HMCN1: variants seen among roughly 807,000 people sequenced by gnomAD.
HMCN1 encodes the protein hemicentin 1, also known as hemicentin-1.
A neutral mutation model predicts 625.9 loss-of-function variants in HMCN1; 321 were observed. That is an observed-to-expected ratio of 0.51 (90% CI 0.47 to 0.56). The LOEUF is 0.56. Ranked by LOEUF, HMCN1 falls within the 20% of genes least tolerant of loss-of-function variation. The pLI is 0.00. For synonymous variants in HMCN1, 2,425 were observed against 2,417.6 expected, an observed-to-expected ratio of 1.00 and a Z score of -0.09; for missense variants, 6,588 against 6,887.3, an observed-to-expected ratio of 0.96 and a Z score of 1.54.
At chr1:186,000,362 A>G in intron 26 of HMCN1, 123 bp downstream of exon 26, 2 of 723,374 alleles carry the variant, frequency 2.8e-6, no homozygotes, top group East Asian at 5.4e-5. Context: ...CCAAACAGAA[A>G]TCTGGTGGTA....
intron 1 of HMCN1, among the ~76,000 whole-genome samples, chr1:185,831,254 G>A (rs1377882954): frequency 6.6e-6 from 1 of 151,780 alleles, no homozygotes; most frequent in Non-Finnish European, 1.5e-5. Flanking sequence ...GTCAATCAAA[G>A]GAAATTATTA....
chr1:186,130,094 G>A lies in HMCN1; in HGVS notation c.13033G>A (p.Val4345Met). 2.5e-6 allele frequency: 4 copies of A among 1,613,076 alleles called. No individual in the cohort carries two copies. Among genetic ancestry groups the A allele is most frequent in the Non-Finnish European group, 2.5e-6 (3 of 1,179,272 alleles). The change falls in exon 84 of 107, where the codon GTG becomes ATG. Residue 4345 changes from valine to methionine, a missense_variant. Physicochemically the swap from Val to Met is conservative, Grantham distance 21. This residue lies in a region of HMCN1 where 1,954 missense variants were observed against 2,013.1 expected (regional missense o/e 0.97). Coordinates refer to ENST00000271588, the MANE Select transcript of HMCN1 (RefSeq NM_031935.3). ...TGTGAAGGCAATTGGATTTGTTTAT[G>A]TGAAAGGTAGGGAAAAGCGCTCCAT... ...GFVKAIGFVY[V>M]KEPPVFKGDY... is the part of the protein sequence containing the mutation.
chr1:186,120,924 C>A (rs553201773), intron 80 of HMCN1, among the ~76,000 whole-genome samples: 1 of 152,142 alleles, frequency 6.6e-6, no homozygotes, highest in South Asian at 2.1e-4. Context: ...CTGATGTATG[C>A]TATATAGAGG....
rs1031672551 is a variant in HMCN1 at position 186,188,074 on chromosome 1, A to T, written c.16541+65A>T. ...TCCTTCCTCCCACTCCTTGACCAAC[A>T]TAAACTTTAGTCTCTTGTCATGTGT... is the stretch of plus-strand genomic sequence containing the variant. On this transcript the variant is annotated intron_variant, in intron 106 of 106. Transcript: ENST00000271588. 3.8e-6 allele frequency: 6 copies of T among 1,585,972 alleles called. No individual in the cohort carries two copies. In the African/African-American group the frequency reaches 8.1e-5, roughly 21 times the overall value.
In HMCN1 at chr1:185,744,704, T is replaced by G. The variant is rs571335976; in HGVS notation, c.268+9657T>G. On this transcript the variant is annotated intron_variant, in intron 1 of 106. Transcript: ENST00000271588. Reference sequence around the variant, plus strand: ...ACCTGATCCTGAATTAAGATGGTGGTGGTCAGCAAAGGTTTTCTGGAATAA... The same window carrying G: ...ACCTGATCCTGAATTAAGATGGTGGGGGTCAGCAAAGGTTTTCTGGAATAA... Among the ~76,000 whole-genome samples, 3 of 152,330 alleles carry G rather than the reference T, an allele frequency of 2.0e-5. No individual in the cohort carries two copies. In the East Asian group the frequency reaches 5.8e-4, roughly 29 times the overall value.
chr1:185,867,991 C>T (rs1170554480), intron 4 of HMCN1, among the ~76,000 whole-genome samples: 1 of 151,954 alleles, frequency 6.6e-6, no homozygotes, highest in African/African-American at 2.4e-5. Flanking sequence ...ATCACTTGAA[C>T]CCGGGAGGTG....
chr1:185,866,440 TGTCACCTAGGCTG>T (rs1334648457), intron 4 of HMCN1, among the ~76,000 whole-genome samples: 2 of 146,492 alleles, frequency 1.4e-5, no homozygotes, highest in Non-Finnish European at 3.0e-5. Flanking sequence ...AGTCTCGCTC[TGTCACCTAGGCTG>T]GAGTGCAGTG....
intron 1 of HMCN1, among the ~76,000 whole-genome samples, chr1:185,796,181 T>C (rs767889869): frequency 6.6e-6 from 1 of 152,184 alleles, no homozygotes; most frequent in Non-Finnish European, 1.5e-5. Flanking sequence ...ACATTAGGCA[T>C]TAGTTAGATT....
At chr1:186,060,228 G>A (rs1558185172) in intron 46 of HMCN1, among the ~76,000 whole-genome samples, 2 of 152,050 alleles carry the variant, frequency 1.3e-5, no homozygotes, top group African/African-American at 4.8e-5. Context: ...TACATAAACA[G>A]AAAACAGATA....
At chr1:185,742,930 C>T (rs539670900) in intron 1 of HMCN1, among the ~76,000 whole-genome samples, 14 of 152,280 alleles carry the variant, frequency 9.2e-5, no homozygotes, top group African/African-American at 3.4e-4. Context: ...ATGTGTTAGG[C>T]ATGTTTCCCA....
At chr1:185,946,158 A>T (rs994894529) in intron 11 of HMCN1, among the ~76,000 whole-genome samples, 2 of 152,230 alleles carry the variant, frequency 1.3e-5, no homozygotes, top group Non-Finnish European at 2.9e-5. Context: ...GCGTTCTTCC[A>T]GCTACATTAT....
intron 1 of HMCN1, among the ~76,000 whole-genome samples, chr1:185,828,434 C>T (rs536113803): frequency 2.0e-5 from 3 of 152,188 alleles, no homozygotes; most frequent in Admixed American, 6.5e-5. Flanking sequence ...CATCAACATT[C>T]ATAGAACAAA....
rs937850916 is a variant in HMCN1 at position 186,144,565 on chromosome 1, A to C, written c.14128A>C (p.Ser4710Arg). Residue 4710 changes from serine (S) to arginine (R), a missense_variant, in exon 91 of 107, where the codon AGT (serine) becomes CGT (arginine). By Grantham distance (110) the Ser-to-Arg change is moderately radical (BLOSUM62 -1). Transcript: ENST00000271588. ...CAAGTGGGCGACTTGGGCCAGTTGG[A>C]GTGCCTGTTCTGTGTCATGTGGAGG... ...HGKWATWASW[S>R]ACSVSCGGGA... is the part of the protein sequence containing the mutation. 2.0e-5 allele frequency: 33 copies of C among 1,614,052 alleles called. No homozygotes were observed. The highest frequency in any genetic ancestry group is 2.5e-5 in the Non-Finnish European group (29 of 1,179,996).
chr1:186,127,046 G>A (rs1245182277), intron 82 of HMCN1, among the ~76,000 whole-genome samples: 1 of 152,040 alleles, frequency 6.6e-6, no homozygotes, highest in Non-Finnish European at 1.5e-5. Context: ...AGCATTTTCT[G>A]GTAGATTGCA....
chr1:185,920,832 A>C lies in HMCN1; in HGVS notation c.901-1547A>C, dbSNP rs146770302. On this transcript the variant is annotated intron_variant, in intron 6 of 106. Coordinates refer to ENST00000271588, the MANE Select transcript of HMCN1 (RefSeq NM_031935.3). ...CCTTAGTAACCTCAACAGCTGTTTC[A>C]TCATAAGGGACTTTCTGAGGAGCAA... Among the ~76,000 whole-genome samples, 85 of 152,254 alleles carry C rather than the reference A, an allele frequency of 5.6e-4. 1 individual carries two copies. The highest frequency in any genetic ancestry group is 2.0e-3 in the African/African-American group (85 of 41,558).
At chr1:185,877,623 T>A (rs1664040202) in intron 4 of HMCN1, among the ~76,000 whole-genome samples, 1 of 152,058 alleles carries the variant, frequency 6.6e-6, no homozygotes. Context: ...TTTGTTTATG[T>A]CATCTATAAT....
intron 56 of HMCN1, among the ~76,000 whole-genome samples, chr1:186,082,387 C>T (rs992669746): frequency 2.0e-5 from 3 of 152,126 alleles, no homozygotes; most frequent in Admixed American, 2.0e-4. Context: ...TGATTCCTCC[C>T]CAAGTGATCT....
In HMCN1 at chr1:186,130,683, A is replaced by G. The variant is rs751626751; in HGVS notation, c.13216A>G (p.Ile4406Val). Residue 4406 changes from isoleucine to valine, a missense_variant, in exon 85 of 107, where the codon ATC becomes GTC. Transcript: ENST00000271588. ...IRQLGNGSLAIYGTVNEDAGD... is the reference protein window; with the variant it reads ...IRQLGNGSLAVYGTVNEDAGD... ...GCAACTGGGCAATGGCTCCCTGGCC[A>G]TCTATGGCACTGTTGTAAGTCACGC... 2 of 1,612,626 alleles carry G rather than the reference A, an allele frequency of 1.2e-6. No individual in the cohort carries two copies. Among genetic ancestry groups the G allele is most frequent in the Admixed American group, 3.3e-5 (2 of 59,926 alleles).
chr1:186,104,161 G>A (rs1475528804), intron 69 of HMCN1, among the ~76,000 whole-genome samples: 1 of 152,132 alleles, frequency 6.6e-6, no homozygotes, highest in African/African-American at 2.4e-5. Flanking sequence ...TATATTAAAA[G>A]AGAAGTATGT....
Sources: allele counts gnomAD v4.1 joint callset (sites outside exome capture counted in the v4.1 genomes callset), GRCh38; gene constraint gnomAD v4.1.1; regional missense constraint gnomAD v4.1.1; transcripts MANE v1.5; gene names NCBI Gene and HGNC (gene_info 2026-07-23, HGNC 2026-07-21).